CCDC91: variants seen among roughly 807,000 people sequenced by gnomAD.
CCDC91 encodes the protein coiled-coil domain containing 91, also known as coiled-coil domain-containing protein 91.
A neutral mutation model predicts 63.2 loss-of-function variants in CCDC91; 48 were observed. That is an observed-to-expected ratio of 0.76 (90% CI 0.60 to 0.97). The LOEUF (loss-of-function observed/expected upper bound fraction) is 0.97, where lower values mean the gene tolerates loss of function less well. Ranked by LOEUF, CCDC91 falls within the 50% of genes least tolerant of loss-of-function variation. The pLI is 0.00. For missense variants in CCDC91, 500 were observed against 494.6 expected (o/e 1.01, Z -0.10); for synonymous variants, 167 against 165.8 (o/e 1.01, Z -0.06).
intron 12 of CCDC91, among the ~76,000 whole-genome samples, chr12:28,490,823 G>A (rs1592831483): frequency 6.6e-6 from 1 of 151,698 alleles, no homozygotes; most frequent in South Asian, 2.1e-4. Flanking sequence ...TTGATGGTCT[G>A]TCTTGTTTTG....
At chr12:28,525,784 C>G (rs1285881446) in intron 12 of CCDC91, among the ~76,000 whole-genome samples, 2 of 151,264 alleles carry the variant, frequency 1.3e-5, no homozygotes, top group African/African-American at 4.8e-5. Flanking sequence ...TGGGATCTCC[C>G]AAATTTATAT....
intron 11 of CCDC91, among the ~76,000 whole-genome samples, chr12:28,458,947 C>A (rs1033677126): frequency 6.6e-6 from 1 of 151,956 alleles, no homozygotes; most frequent in Non-Finnish European, 1.5e-5. Flanking sequence ...TCCCTGTAGC[C>A]TATAAGATAA....
At position 28,380,470 on chromosome 12, in the gene CCDC91, C is replaced by G. The variant is rs770750784; in HGVS notation, c.655-10834C>G. On this transcript the variant is annotated intron_variant, in intron 7 of 12. Coordinates refer to ENST00000536442, the MANE Select transcript of CCDC91 (RefSeq NM_018318.5). ...TATTTGTGACTAATGTTGCTCAGACCTGAATGTTGTAGCAATGTGAGTCTC... is the reference window on the plus strand; with the variant it reads ...TATTTGTGACTAATGTTGCTCAGACGTGAATGTTGTAGCAATGTGAGTCTC... 2.6e-5 allele frequency among the ~76,000 whole-genome samples: 4 copies of G among 152,140 alleles called. No homozygotes were observed. In the South Asian group the frequency reaches 8.3e-4, roughly 32 times the overall value.
chr12:28,296,519 G>A (rs1309095640), intron 3 of CCDC91, among the ~76,000 whole-genome samples: 2 of 151,702 alleles, frequency 1.3e-5, no homozygotes, highest in Non-Finnish European at 3.0e-5. Context: ...TATTTCCTAT[G>A]TTCCTCCATC....
At chr12:28,373,394 T>C (rs1435253444) in intron 7 of CCDC91, among the ~76,000 whole-genome samples, 1 of 152,170 alleles carries the variant, frequency 6.6e-6, no homozygotes, top group Non-Finnish European at 1.5e-5. Context: ...TTTTCAGCCA[T>C]TCATATTTTT....
chr12:28,220,914 G>T (rs1943894512), intron 1 of CCDC91, among the ~76,000 whole-genome samples: 1 of 151,926 alleles, frequency 6.6e-6, no homozygotes, highest in Admixed American at 6.6e-5. Flanking sequence ...GCATTAGTAT[G>T]ATTTCTTTAT....
chr12:28,306,764 A>G lies in CCDC91; in HGVS notation c.290A>G (p.His97Arg). The G allele has an allele frequency of 1.2e-6, 2 of 1,611,034 alleles. No homozygotes were observed. The highest frequency in any genetic ancestry group is 2.2e-5 in the South Asian group (2 of 90,926). ...KAQIQQSTHTHLDISLFPLGL... is the reference protein window; with the variant it reads ...KAQIQQSTHTRLDISLFPLGL... ...TAGATTCAGCAATCAACACACACTC[A>G]TCTGGATATCTCACTTTTTCCATTG... Residue 97 changes from histidine to arginine, a missense_variant, in exon 5 of 13, where the codon CAT becomes CGT. Transcript: ENST00000536442.
At chr12:28,471,694 ATAAT>A (rs1950822480) in intron 11 of CCDC91, among the ~76,000 whole-genome samples, 1 of 101,122 alleles carries the variant, frequency 9.9e-6, no homozygotes, top group African/African-American at 2.7e-5. Context: ...TTAACTCATA[ATAAT>A]TATTTACTCA....
At chr12:28,516,624 G>T (rs972893325) in intron 12 of CCDC91, among the ~76,000 whole-genome samples, 1 of 151,774 alleles carries the variant, frequency 6.6e-6, no homozygotes, top group Non-Finnish European at 1.5e-5. Flanking sequence ...GAAAGAAAAA[G>T]AAATTTATTT....
At chr12:28,323,387 T>C (rs1300077120) in intron 6 of CCDC91, among the ~76,000 whole-genome samples, 1 of 151,828 alleles carries the variant, frequency 6.6e-6, no homozygotes, top group Non-Finnish European at 1.5e-5. Context: ...TGTAAAACAG[T>C]CCCTCTTGTC....
intron 1 of CCDC91, among the ~76,000 whole-genome samples, chr12:28,201,186 C>T (rs371305694): frequency 1.6e-3 from 241 of 151,252 alleles, no homozygotes; most frequent in Admixed American, 5.2e-3. Flanking sequence ...CTCCTCACTT[C>T]CCAGACGGGG....
chr12:28,450,304 C>G, intron 9 of CCDC91, 46 bp from the exon 10 acceptor site: 1 of 1,583,958 alleles, frequency 6.3e-7, no homozygotes, highest in Middle Eastern at 1.7e-4. Flanking sequence ...TCTGTTACCT[C>G]AAATAATACA....
chr12:28,290,830 T>G (rs1250929477), intron 3 of CCDC91, among the ~76,000 whole-genome samples: 3 of 152,214 alleles, frequency 2.0e-5, no homozygotes, highest in Non-Finnish European at 4.4e-5. Flanking sequence ...TCATGTTTTT[T>G]AAAAGTATGC....
chr12:28,468,024 T>C (rs181371181), intron 11 of CCDC91, among the ~76,000 whole-genome samples: 1 of 151,850 alleles, frequency 6.6e-6, no homozygotes, highest in African/African-American at 2.4e-5. Flanking sequence ...CAATGCATCT[T>C]AACTAGAAAA....
intron 1 of CCDC91, among the ~76,000 whole-genome samples, chr12:28,243,003 T>G (rs1255680667): frequency 1.3e-5 from 2 of 150,752 alleles, no homozygotes; most frequent in Non-Finnish European, 2.9e-5. Flanking sequence ...GATGCCAACA[T>G]TGTTTCCTGT....
intron 11 of CCDC91, 48 bp from the exon 12 acceptor site, chr12:28,484,004 T>G: frequency 9.2e-7 from 1 of 1,083,596 alleles, no homozygotes. Context: ...GACACAGATA[T>G]GTCATAGTGC....
At chr12:28,362,351 C>T (rs112851424) in intron 6 of CCDC91, 87 bp from the exon 7 acceptor site, 8 of 812,220 alleles carry the variant, frequency 9.8e-6, no homozygotes, top group East Asian at 8.4e-5. Context: ...CTGAATCATT[C>T]GTGGAAGCAG....
At chr12:28,253,004 G>T (rs1946226251) in intron 1 of CCDC91, among the ~76,000 whole-genome samples, 1 of 152,160 alleles carries the variant, frequency 6.6e-6, no homozygotes, top group Admixed American at 6.5e-5. Context: ...AATGCCCAAT[G>T]TAACACAGTA....
intron 1 of CCDC91, among the ~76,000 whole-genome samples, chr12:28,234,454 A>G (rs936436413): frequency 1.3e-5 from 2 of 152,166 alleles, no homozygotes; most frequent in African/African-American, 4.8e-5. Flanking sequence ...CAACTTTTTC[A>G]TGGAAACAAC....
Sources: gnomAD v4.1 joint callset for allele counts (sites outside exome capture counted in the v4.1 genomes callset) on GRCh38, gnomAD v4.1.1 for gene constraint, MANE v1.5 for transcripts, NCBI Gene and HGNC (gene_info 2026-07-23, HGNC 2026-07-21) for gene names.